The following PRUNE2 variants were observed in gnomAD, a reference collection of about 807,000 sequenced individuals.
PRUNE2 encodes the protein protein prune homolog 2.
In PRUNE2, 164 loss-of-function variants were observed where a neutral mutation model predicts 252.0. That is an observed-to-expected ratio of 0.65 (90% CI 0.57 to 0.74). The LOEUF is 0.74. PRUNE2 is among the 30% of genes least tolerant of loss of function. The probability of loss-of-function intolerance (pLI) is 0.00; values close to 1 mark genes in which losing one functional copy is unlikely to be tolerated. For missense variants in PRUNE2, 3,495 were observed against 3,711.0 expected, an observed-to-expected ratio of 0.94 and a Z score of 1.51; for synonymous variants, 1,292 against 1,350.2, an observed-to-expected ratio of 0.96 and a Z score of 0.94.
At chr9:76,632,761 A>G (rs1838265964) in intron 15 of PRUNE2, among the ~76,000 whole-genome samples, 1 of 152,012 alleles carries the variant, frequency 6.6e-6, no homozygotes. Flanking sequence ...GGATCTCCCT[A>G]TGTTGCCCAG....
chr9:76,717,977 T>C (rs1334576621), intron 6 of PRUNE2, among the ~76,000 whole-genome samples: 2 of 152,182 alleles, frequency 1.3e-5, no homozygotes, highest in African/African-American at 2.4e-5. Flanking sequence ...GCCTTTGTTA[T>C]TTCCTGGTCA....
chr9:76,762,607 A>T (rs1468246262), intron 6 of PRUNE2, among the ~76,000 whole-genome samples: 3 of 152,218 alleles, frequency 2.0e-5, no homozygotes, highest in African/African-American at 7.2e-5. Flanking sequence ...CAAACTCTCC[A>T]AACTCTCCAC....
At position 76,771,151 on chromosome 9, in the gene PRUNE2, T is replaced by C. The variant is rs911688496; in HGVS notation, c.756+52481A>G. On this transcript the variant is annotated intron_variant, in intron 6 of 18. Coordinates refer to ENST00000376718, the MANE Select transcript of PRUNE2 (RefSeq NM_015225.3). ...TTATATAAATTATGATCATAGAAAC[T>C]AGACATGATTTAAATATCATATAAA... is the stretch of plus-strand genomic sequence containing the variant. 2.0e-5 allele frequency among the ~76,000 whole-genome samples: 3 copies of C among 152,254 alleles called. No homozygotes were observed. In the South Asian group the frequency reaches 6.2e-4, roughly 32 times the overall value.
At chr9:76,643,846 A>G (rs1843612912) in intron 12 of PRUNE2, among the ~76,000 whole-genome samples, 1 of 152,104 alleles carries the variant, frequency 6.6e-6, no homozygotes, top group South Asian at 2.1e-4. Context: ...ATAATAGAAA[A>G]CAAAAGCAGT....
intron 4 of PRUNE2, among the ~76,000 whole-genome samples, chr9:76,843,874 G>A (rs559775157): frequency 1.8e-4 from 27 of 151,872 alleles, no homozygotes; most frequent in South Asian, 6.2e-4. Context: ...GATTACAGGC[G>A]TCCGCCACCA....
intron 3 of PRUNE2, among the ~76,000 whole-genome samples, chr9:76,849,563 C>T (rs565896426): frequency 2.0e-5 from 3 of 152,274 alleles, no homozygotes; most frequent in African/African-American, 7.2e-5. Flanking sequence ...TGATGGCTCA[C>T]ACCTGTAATC....
chr9:76,888,029 G>C (rs2062209707), intron 1 of PRUNE2, among the ~76,000 whole-genome samples: 2 of 152,158 alleles, frequency 1.3e-5, no homozygotes, highest in Non-Finnish European at 2.9e-5. Context: ...AAAAGGAATA[G>C]AAAAGCACAA....
rs775016827 is a variant in PRUNE2 at position 76,706,624 on chromosome 9, T to C, written c.5650A>G (p.Thr1884Ala). The change falls in exon 8 of 19, where the codon ACT (threonine) becomes GCT (alanine). Residue 1884 changes from threonine (T) to alanine (A), a missense_variant. Thr to Ala is a moderately conservative substitution (Grantham distance 58). Coordinates refer to ENST00000376718, the MANE Select transcript of PRUNE2 (RefSeq NM_015225.3). ...TGATGGTTGTCACTAAAAGGATTAG[T>C]ATAGTGTGTTTCCACGGGCTCAATA... ...GDIEPVETHY[T>A]NPFSDNHQSP... 9 of 1,613,906 alleles carry C rather than the reference T, an allele frequency of 5.6e-6. No homozygotes were observed. Among genetic ancestry groups the C allele is most frequent in the Non-Finnish European group, 7.6e-6 (9 of 1,179,870 alleles).
intron 1 of PRUNE2, among the ~76,000 whole-genome samples, chr9:76,891,733 A>G (rs970255595): frequency 2.2e-4 from 33 of 152,228 alleles, no homozygotes; most frequent in Admixed American, 2.0e-3. Flanking sequence ...CTATCTTTTG[A>G]AAACACAGAT....
chr9:76,830,930 A>ATT (rs34591955), intron 4 of PRUNE2, among the ~76,000 whole-genome samples: 3 of 138,550 alleles, frequency 2.2e-5, no homozygotes, highest in South Asian at 2.3e-4. Context: ...AGTGAAAACA[A>ATT]TTTTTTTTTT....
intron 1 of PRUNE2, among the ~76,000 whole-genome samples, chr9:76,887,939 C>T (rs73462362): frequency 0.018 from 2,699 of 152,270 alleles, 78 homozygotes; most frequent in African/African-American, 0.061. Flanking sequence ...GCCTGCTGAC[C>T]ATCCCCAAGC....
In PRUNE2 at chr9:76,612,153, C is replaced by T. The variant is rs1403193848; in HGVS notation, c.*2417G>A. On this transcript the variant is annotated 3_prime_UTR_variant, in exon 19 of 19. Transcript: ENST00000376718. ...TTTTAAGATAATAAAATAGCAGATA[C>T]CTAAATATCAGAGTGGTTATGCAGC... is the stretch of plus-strand genomic sequence containing the variant. 6.6e-6 allele frequency: 1 copy of T among 152,122 alleles called. No homozygotes were observed. Among genetic ancestry groups the T allele is most frequent in the East Asian group, 1.9e-4 (1 of 5,200 alleles). The allele number at this position is 152,122 out of a possible 1,614,324, so 9.4% of individuals were successfully genotyped here. A position where few individuals can be genotyped will look rare whatever the true frequency, so the allele number is the denominator to read the frequency against.
intron 4 of PRUNE2, among the ~76,000 whole-genome samples, chr9:76,827,277 A>T (rs1216858287): frequency 6.6e-6 from 1 of 152,226 alleles, no homozygotes; most frequent in Non-Finnish European, 1.5e-5. Flanking sequence ...TCTCCCAAGC[A>T]TCATACACAG....
intron 9 of PRUNE2, among the ~76,000 whole-genome samples, chr9:76,684,758 T>A (rs1310017233): frequency 6.6e-6 from 1 of 152,032 alleles, no homozygotes; most frequent in African/African-American, 2.4e-5. Flanking sequence ...TGCCTCTTAT[T>A]TATTTATTTT....
At chr9:76,882,759 C>T (rs12342374) in intron 1 of PRUNE2, among the ~76,000 whole-genome samples, 13 of 152,140 alleles carry the variant, frequency 8.5e-5, no homozygotes, top group Admixed American at 8.5e-4. Context: ...CACTTCCCAC[C>T]AGGCACCCCC....
chr9:76,763,037 C>G (rs1295790277), intron 6 of PRUNE2, among the ~76,000 whole-genome samples: 2 of 152,226 alleles, frequency 1.3e-5, no homozygotes, highest in Non-Finnish European at 2.9e-5. Flanking sequence ...TGCACTCCTC[C>G]CACCTCGTGC....
At position 76,667,736 on chromosome 9, in the gene PRUNE2, C is replaced by A. The variant is rs57802610; in HGVS notation, c.8277-12234G>T. 7.1e-3 allele frequency among the ~76,000 whole-genome samples: 1,080 copies of A among 152,308 alleles called. 14 individuals are homozygous for A. The highest frequency in any genetic ancestry group is 0.023 in the African/African-American group (936 of 41,570). The stretch of plus-strand genomic sequence containing the variant: ...AATCTGCAGGACATGGGAGGGTTGC[C>A]TTTGACTTTTCTGGAGGTGGAATCA... On this transcript the variant is annotated intron_variant, in intron 9 of 18. Transcript: ENST00000376718.
chr9:76,770,991 TAAATTTTTGCTACA>T (rs1449821033), intron 6 of PRUNE2, among the ~76,000 whole-genome samples: 5 of 152,206 alleles, frequency 3.3e-5, no homozygotes, highest in Non-Finnish European at 5.9e-5. Context: ...TAACACTTAC[TAAATTTTTGCTACA>T]AATTACCATA....
chr9:76,713,346 C>T (rs938121487), intron 7 of PRUNE2, among the ~76,000 whole-genome samples: 1 of 152,160 alleles, frequency 6.6e-6, no homozygotes, highest in Non-Finnish European at 1.5e-5. Context: ...ATGTTTTGCA[C>T]TATGGATTCA....
Sources: allele counts gnomAD v4.1 joint callset (sites outside exome capture counted in the v4.1 genomes callset), GRCh38; gene constraint gnomAD v4.1.1; transcripts MANE v1.5; gene names NCBI Gene and HGNC (gene_info 2026-07-23, HGNC 2026-07-21).